GLI3: variants seen among roughly 807,000 people sequenced by gnomAD.
The protein encoded by GLI3 is GLI family zinc finger 3.
GLI3 carries 20 observed loss-of-function variants against 100.8 expected under a neutral mutation model. The observed-to-expected ratio is 0.20, with a 90% CI of 0.14 to 0.29. GLI3 has a LOEUF of 0.29. GLI3 is among the 10% of genes least tolerant of loss of function. The pLI is 1.00. For missense variants in GLI3, 2,040 were observed against 2,128.5 expected (o/e 0.96, Z 0.82); for synonymous variants, 938 against 860.5 (o/e 1.09, Z -1.58).
At chr7:42,224,146 T>C (rs1788541899) in intron 1 of GLI3, among the ~76,000 whole-genome samples, 2 of 152,184 alleles carry the variant, frequency 1.3e-5, no homozygotes, top group Admixed American at 6.5e-5. Flanking sequence ...TGTTCCTTTT[T>C]GCAGTCATGT....
At chr7:42,055,961 G>A (rs1784451253) in intron 4 of GLI3, among the ~76,000 whole-genome samples, 1 of 152,112 alleles carries the variant, frequency 6.6e-6, no homozygotes. Context: ...GAATCATGGA[G>A]GCGGGTCTGT....
chr7:42,037,147 A>AT (rs1295761374), intron 7 of GLI3, among the ~76,000 whole-genome samples: 2 of 152,040 alleles, frequency 1.3e-5, no homozygotes, highest in African/African-American at 4.8e-5. Context: ...TCTCAAAAAA[A>AT]AATAATAATA....
At position 42,236,309 on chromosome 7, in the gene GLI3, C is replaced by CT. The variant is rs776557505; in HGVS notation, c.-43+661dup. On this transcript the variant is annotated intron_variant, in intron 1 of 14. Transcript: ENST00000395925. The stretch of plus-strand genomic sequence containing the variant: ...ATGATTATTGCATGGACCACGGTTA[C>CT]TTTGTGTGTCTGTGCGCGCTGCCCC... Among the ~76,000 whole-genome samples, 287 of 152,252 alleles carry CT rather than the reference C, an allele frequency of 1.9e-3. 1 individual carries two copies. Among genetic ancestry groups the CT allele is most frequent in the Non-Finnish European group, 2.5e-3 (171 of 68,006 alleles).
At chr7:42,120,502 A>C (rs1194087906) in intron 3 of GLI3, among the ~76,000 whole-genome samples, 2 of 152,218 alleles carry the variant, frequency 1.3e-5, no homozygotes, top group Non-Finnish European at 2.9e-5. Flanking sequence ...ATTTGCAAGT[A>C]ATTGCATGTA....
At chr7:42,157,980 C>A (rs1787043633) in intron 2 of GLI3, among the ~76,000 whole-genome samples, 1 of 151,984 alleles carries the variant, frequency 6.6e-6, no homozygotes, top group African/African-American at 2.4e-5. Flanking sequence ...GTAAAATTAG[C>A]CTATGTAAAA....
Position 42,223,286 on chromosome 7 carries a change from CA to C in GLI3, c.-34del. On this transcript the variant is annotated 5_prime_UTR_variant, in exon 2 of 15. Coordinates refer to ENST00000395925, the MANE Select transcript of GLI3 (RefSeq NM_000168.6). ...TCTCATTACTTCAGCTCTCTTCGAC[CA>C]AAAATGCCCTAAAGAAAACAACAGA... is the stretch of plus-strand genomic sequence containing the variant. The C allele has an allele frequency of 2.5e-6, 4 of 1,580,328 alleles. No homozygotes were observed. The highest frequency in any genetic ancestry group is 2.6e-6 in the Non-Finnish European group (3 of 1,157,084).
At chr7:42,028,477 T>A (rs34536269) in intron 7 of GLI3, among the ~76,000 whole-genome samples, 1 of 152,012 alleles carries the variant, frequency 6.6e-6, no homozygotes, top group African/African-American at 2.4e-5. Context: ...AAAAAAGATG[T>A]AGGAGGCCGG....
intron 2 of GLI3, among the ~76,000 whole-genome samples, chr7:42,171,245 G>C: frequency 6.6e-6 from 1 of 152,182 alleles, no homozygotes; most frequent in East Asian, 1.9e-4. Context: ...ACTGTCACAG[G>C]CTTCACGAAA....
In GLI3 at chr7:41,963,450, ACTT is replaced by A. The variant is rs1387265125; in HGVS notation, c.*877_*879del. Reference sequence around the variant, plus strand: ...ATTGCTTCAATCTACCATCTATCTAACTTCTTACCAGAACAGATAAAAGTAGCA... The same window carrying A: ...ATTGCTTCAATCTACCATCTATCTAACTTACCAGAACAGATAAAAGTAGCA... On this transcript the variant is annotated 3_prime_UTR_variant, in exon 15 of 15. Coordinates refer to ENST00000395925, the MANE Select transcript of GLI3 (RefSeq NM_000168.6). The A allele has an allele frequency of 1.3e-5, 2 of 152,180 alleles. No individual in the cohort carries two copies. Among genetic ancestry groups the A allele is most frequent in the Non-Finnish European group, 2.9e-5 (2 of 68,048 alleles). The allele number at this position is 152,180 out of a possible 1,614,324, so 9.4% of individuals were successfully genotyped here.
chr7:42,117,596 C>G (rs1785891405), intron 3 of GLI3, among the ~76,000 whole-genome samples: 1 of 152,156 alleles, frequency 6.6e-6, no homozygotes, highest in Admixed American at 6.5e-5. Flanking sequence ...ATTGAGAACT[C>G]CAGCTTTAAA....
chr7:42,058,840 G>A (rs1221502149), intron 4 of GLI3, among the ~76,000 whole-genome samples: 1 of 152,136 alleles, frequency 6.6e-6, no homozygotes, highest in Non-Finnish European at 1.5e-5. Context: ...AAAGAACAAT[G>A]TGCCAAATTT....
chr7:42,083,365 G>A (rs866954764), intron 3 of GLI3, among the ~76,000 whole-genome samples: 2 of 152,190 alleles, frequency 1.3e-5, no homozygotes, highest in South Asian at 2.1e-4. Context: ...CAAATGACAG[G>A]ATTTCATTCT....
At chr7:42,217,650 T>C (rs1325200732) in intron 2 of GLI3, among the ~76,000 whole-genome samples, 1 of 152,186 alleles carries the variant, frequency 6.6e-6, no homozygotes, top group African/African-American at 2.4e-5. Context: ...TACAAGGAAG[T>C]TTACAGAAAC....
intron 1 of GLI3, among the ~76,000 whole-genome samples, chr7:42,261,722 G>A (rs573045829): frequency 2.6e-5 from 4 of 152,356 alleles, no homozygotes; most frequent in South Asian, 2.1e-4. Context: ...GGATGAGGCA[G>A]TGCCTGATTA....
Position 41,967,593 on chromosome 7 carries a change from C to T in GLI3, c.2431+3G>A. 6.2e-7 allele frequency: 1 copy of T among 1,605,542 alleles called. No homozygotes were observed. The highest frequency in any genetic ancestry group is 8.5e-7 in the Non-Finnish European group (1 of 1,172,852). On this transcript the variant is annotated splice_donor_region_variant and intron_variant, in intron 14 of 14. Coordinates refer to ENST00000395925, the MANE Select transcript of GLI3 (RefSeq NM_000168.6). ...CAGATGCATGGTCTGATGTAGAACTCACCATTTCCTATGAGAGGAGAGACC... is the reference window on the plus strand; with the variant it reads ...CAGATGCATGGTCTGATGTAGAACTTACCATTTCCTATGAGAGGAGAGACC...
At chr7:42,032,214 A>G (rs1400215829) in intron 7 of GLI3, among the ~76,000 whole-genome samples, 1 of 152,232 alleles carries the variant, frequency 6.6e-6, no homozygotes, top group Non-Finnish European at 1.5e-5. Context: ...TGAGTACTTT[A>G]TACAAATCCC....
chr7:42,094,110 C>T (rs1160386753), intron 3 of GLI3, among the ~76,000 whole-genome samples: 1 of 152,120 alleles, frequency 6.6e-6, no homozygotes, highest in Non-Finnish European at 1.5e-5. Flanking sequence ...CAGTATTTCC[C>T]TCAAGGTCAC....
At chr7:42,190,482 T>C (rs1278503181) in intron 2 of GLI3, among the ~76,000 whole-genome samples, 1 of 152,176 alleles carries the variant, frequency 6.6e-6, no homozygotes, top group African/African-American at 2.4e-5. Flanking sequence ...TGACCAGAAT[T>C]GACTTAAGAA....
intron 13 of GLI3, among the ~76,000 whole-genome samples, chr7:41,970,573 C>T (rs1264552788): frequency 6.6e-6 from 1 of 152,086 alleles, no homozygotes; most frequent in East Asian, 1.9e-4. Flanking sequence ...CCTAATATGA[C>T]TGAATTACTT....
Sources: allele counts gnomAD v4.1 joint callset (sites outside exome capture counted in the v4.1 genomes callset), GRCh38; gene constraint gnomAD v4.1.1; transcripts MANE v1.5; gene names NCBI Gene and HGNC (gene_info 2026-07-23, HGNC 2026-07-21).